The following STARD13 variants were observed in gnomAD, a reference collection of about 807,000 sequenced individuals.
STARD13 encodes stAR-related lipid transfer protein 13.
A neutral mutation model predicts 106.4 loss-of-function variants in STARD13; 62 were observed. The ratio of observed to expected loss-of-function variants is 0.58; its 90% CI spans 0.48 to 0.72. STARD13 has a LOEUF of 0.72. STARD13 is among the 30% of genes least tolerant of loss of function. STARD13 has a pLI of 0.00. For synonymous variants in STARD13, 565 were observed against 553.0 expected (o/e 1.02, Z -0.31); for missense variants, 1,387 against 1,424.0 (o/e 0.97, Z 0.42).
the STARD13 span, among the ~76,000 whole-genome samples, chr13:33,562,359 A>G: frequency 6.8e-6 from 1 of 146,154 alleles, no homozygotes; most frequent in Admixed American, 7.0e-5. Flanking sequence ...CTTTCCTCAC[A>G]TTTTTCTCTT....
At position 33,129,603 on chromosome 13, in the gene STARD13, C is replaced by T; in HGVS notation, c.1074G>A (p.Lys358=). The T allele has an allele frequency of 5.0e-6, 8 of 1,614,102 alleles. No homozygotes were observed. Among genetic ancestry groups the T allele is most frequent in the Non-Finnish European group, 6.8e-6 (8 of 1,180,038 alleles). Residue 358 remains lysine, a synonymous_variant, in exon 5 of 14, where the codon AAG becomes AAA. Coordinates refer to ENST00000336934, the MANE Select transcript of STARD13 (RefSeq NM_178006.4). ...LKERKCHEAN[K]RGGMYLEDLD... is the part of the protein sequence containing the mutation. ...GGTCCTCCAAGTACATGCCCCCGCGCTTGTTGGCCTCGTGGCACTTGCGTT... is the reference window on the plus strand; with the variant it reads ...GGTCCTCCAAGTACATGCCCCCGCGTTTGTTGGCCTCGTGGCACTTGCGTT...
At chr13:33,442,066 T>A in the STARD13 span, among the ~76,000 whole-genome samples, 3 of 152,218 alleles carry the variant, frequency 2.0e-5, no homozygotes, top group African/African-American at 4.8e-5. Context: ...TGACCTGGAA[T>A]AAGAAACAGA....
At chr13:33,126,681 T>C (rs1369722360) in intron 6 of STARD13, among the ~76,000 whole-genome samples, 1 of 152,198 alleles carries the variant, frequency 6.6e-6, no homozygotes, top group Non-Finnish European at 1.5e-5. Context: ...CTAGAGCCAG[T>C]TGTAGTTTTC....
the STARD13 span, among the ~76,000 whole-genome samples, chr13:33,596,996 A>T: frequency 6.6e-6 from 1 of 152,208 alleles, no homozygotes; most frequent in Non-Finnish European, 1.5e-5. Context: ...TGCAATAACT[A>T]TAGGGGTTCA....
the STARD13 span, among the ~76,000 whole-genome samples, chr13:33,425,410 AT>A: frequency 0.015 from 2,211 of 152,276 alleles, 52 homozygotes; most frequent in African/African-American, 0.051. Flanking sequence ...ATGCTGCTAC[AT>A]TGGTGCCCTG....
At chr13:33,541,466 A>C in the STARD13 span, among the ~76,000 whole-genome samples, 2 of 152,132 alleles carry the variant, frequency 1.3e-5, no homozygotes, top group African/African-American at 4.8e-5. Flanking sequence ...TTCTACATAA[A>C]CAGGTGCCAT....
the STARD13 span, among the ~76,000 whole-genome samples, chr13:33,620,869 A>T: frequency 2.6e-5 from 4 of 151,542 alleles, no homozygotes; most frequent in African/African-American, 9.7e-5. Flanking sequence ...AAAACACATT[A>T]TATAAACCTA....
chr13:33,112,438 ATCTATC>A (rs1874720483), intron 9 of STARD13, among the ~76,000 whole-genome samples: 1 of 152,016 alleles, frequency 6.6e-6, no homozygotes, highest in Non-Finnish European at 1.5e-5. Context: ...ATAATCTATT[ATCTATC>A]TCTATTATCT....
chr13:33,175,090 T>C (rs1393580935), intron 1 of STARD13, among the ~76,000 whole-genome samples: 1 of 152,150 alleles, frequency 6.6e-6, no homozygotes, highest in African/African-American at 2.4e-5. Context: ...CCCCAGTCAA[T>C]CTGAGAGAAA....
chr13:33,603,129 A>G, the STARD13 span, among the ~76,000 whole-genome samples: 4 of 152,192 alleles, frequency 2.6e-5, no homozygotes, highest in African/African-American at 7.2e-5. Flanking sequence ...CACCACATCC[A>G]GACAATAAGA....
chr13:33,604,799 TAAA>T, the STARD13 span, among the ~76,000 whole-genome samples: 1 of 137,738 alleles, frequency 7.3e-6, no homozygotes, highest in Non-Finnish European at 1.6e-5. Flanking sequence ...ACTTTGTCTT[TAAA>T]AAAAAAAAAA....
At chr13:33,241,871 G>A (rs1889528315) in intron 1 of STARD13, among the ~76,000 whole-genome samples, 1 of 152,178 alleles carries the variant, frequency 6.6e-6, no homozygotes, top group Non-Finnish European at 1.5e-5. Context: ...GAGTGCAATG[G>A]CCTGATCTAG....
At chr13:33,609,024 T>A in the STARD13 span, among the ~76,000 whole-genome samples, 1 of 141,288 alleles carries the variant, frequency 7.1e-6, no homozygotes, top group Admixed American at 7.4e-5. Context: ...AGGCGGAGCT[T>A]GCAGTGAGCC....
chr13:33,320,140 T>C (rs1893501374), intron 1 of STARD13, among the ~76,000 whole-genome samples: 2 of 152,252 alleles, frequency 1.3e-5, no homozygotes, highest in Non-Finnish European at 2.9e-5. Context: ...ACTGCTAGAA[T>C]GAATGTCTAG....
At chr13:33,179,121 T>C (rs1884988477) in intron 1 of STARD13, among the ~76,000 whole-genome samples, 1 of 152,388 alleles carries the variant, frequency 6.6e-6, no homozygotes, top group Middle Eastern at 3.4e-3. Flanking sequence ...TCTACTCTTA[T>C]TGAATACATA....
intron 2 of STARD13, 61 bp downstream of exon 2, chr13:33,167,490 A>T: frequency 6.6e-7 from 1 of 1,509,110 alleles, no homozygotes; most frequent in East Asian, 2.3e-5. Flanking sequence ...ACACCACAGG[A>T]TACGTGTGGT....
At chr13:33,590,773 T>C in the STARD13 span, among the ~76,000 whole-genome samples, 1 of 151,766 alleles carries the variant, frequency 6.6e-6, no homozygotes, top group South Asian at 2.1e-4. Flanking sequence ...AGTTAATGGG[T>C]GCAGCACAGC....
the STARD13 span, among the ~76,000 whole-genome samples, chr13:33,391,980 G>T: frequency 6.6e-6 from 1 of 152,152 alleles, no homozygotes; most frequent in African/African-American, 2.4e-5. Flanking sequence ...TATTGCTGCA[G>T]AGGGCTTTAG....
rs1156691647 is a variant in STARD13 at position 33,129,873 on chromosome 13, C to A, written c.804G>T (p.Gly268=). The stretch of plus-strand genomic sequence containing the variant: ...CCTTATGCCTCCCGTGGGCTCCCTT[C>A]CCTCGGAGTGTTTCCATGCGTTTCA... ...SFLKRMETLR[G]KGAHGRHKGS... Residue 268 remains glycine, a synonymous_variant, in exon 5 of 14, where the codon GGG becomes GGT. Transcript: ENST00000336934. 6.2e-7 allele frequency: 1 copy of A among 1,613,042 alleles called. No homozygotes were observed. The highest frequency in any genetic ancestry group is 1.7e-5 in the Admixed American group (1 of 60,034).
Sources: gnomAD v4.1 joint callset for allele counts (sites outside exome capture counted in the v4.1 genomes callset) on GRCh38, gnomAD v4.1.1 for gene constraint, MANE v1.5 for transcripts, NCBI Gene and HGNC (gene_info 2026-07-23, HGNC 2026-07-21) for gene names.